DMD: variants seen among roughly 807,000 people sequenced by gnomAD.
DMD encodes the protein dystrophin, also known as mutant dystrophin.
A neutral mutation model predicts 330.1 loss-of-function variants in DMD; 63 were observed. The ratio of observed to expected loss-of-function variants is 0.19; its 90% CI spans 0.16 to 0.24. The LOEUF (loss-of-function observed/expected upper bound fraction) is 0.24, where lower values mean the gene tolerates loss of function less well. Ranked by LOEUF, DMD falls within the 10% of genes least tolerant of loss-of-function variation. The pLI is 1.00. For missense variants in DMD, 3,344 were observed against 2,684.1 expected (o/e 1.25, Z -5.43); for synonymous variants, 1,223 against 959.8 (o/e 1.27, Z -5.07).
chrX:31,998,092 T>G (rs1213991717), intron 44 of DMD, among the ~76,000 whole-genome samples: 1 of 111,451 alleles, frequency 9.0e-6, no homozygotes, highest in Non-Finnish European at 1.9e-5. Context: ...GTTAGTGTAG[T>G]CTACCACTGT....
chrX:32,123,009 T>G (rs2096643663), intron 44 of DMD, among the ~76,000 whole-genome samples: 1 of 106,953 alleles, frequency 9.3e-6, no homozygotes, highest in Admixed American at 1.0e-4. Context: ...ATTTTACTTT[T>G]GAAAAGCAGT....
intron 64 of DMD, among the ~76,000 whole-genome samples, chrX:31,214,937 CTTTT>C (rs761569710): frequency 7.9e-5 from 3 of 38,088 alleles, no homozygotes; most frequent in East Asian, 1.0e-3. Context: ...TTTCTTTTTT[CTTTT>C]TTTTTTTTTT....
At chrX:32,707,736 T>A (rs1269927351) in intron 7 of DMD, among the ~76,000 whole-genome samples, 2 of 111,897 alleles carry the variant, frequency 1.8e-5, no homozygotes, top group African/African-American at 6.5e-5. Flanking sequence ...GGTATGTAAC[T>A]TCTAAACCCA....
chrX:31,294,867 C>T (rs751575731), intron 62 of DMD, among the ~76,000 whole-genome samples: 31 of 112,068 alleles, frequency 2.8e-4, no homozygotes, highest in Admixed American at 1.9e-4. Context: ...TGCTCAGAGA[C>T]GTAGTGTTGA....
intron 1 of DMD, among the ~76,000 whole-genome samples, chrX:33,302,897 C>T (rs986690390): frequency 4.5e-5 from 5 of 111,550 alleles, no homozygotes; most frequent in African/African-American, 1.6e-4. Flanking sequence ...AGAGAATTTC[C>T]CTGTCCTAAA....
intron 55 of DMD, among the ~76,000 whole-genome samples, chrX:31,560,323 T>G (rs1386547570): frequency 1.8e-5 from 2 of 111,859 alleles, no homozygotes; most frequent in East Asian, 5.6e-4. Context: ...ACACTGTCTT[T>G]AAAGAATGAT....
chrX:33,043,640 C>CA (rs1016931011), intron 1 of DMD, among the ~76,000 whole-genome samples: 3 of 111,620 alleles, frequency 2.7e-5, no homozygotes, highest in African/African-American at 3.3e-5. Flanking sequence ...GAAGTTTTGA[C>CA]AAAACCAAAC....
intron 2 of DMD, among the ~76,000 whole-genome samples, chrX:32,934,522 A>G (rs1276397232): frequency 9.0e-6 from 1 of 111,628 alleles, no homozygotes; most frequent in Middle Eastern, 4.7e-3. Context: ...AACAATTTTA[A>G]ATTTAAAAAT....
chrX:32,436,093 G>C (rs188499158), intron 29 of DMD, among the ~76,000 whole-genome samples: 65 of 111,940 alleles, frequency 5.8e-4, no homozygotes, highest in African/African-American at 1.9e-3. Context: ...GTTCTGGATT[G>C]GGTCAATGAA....
intron 7 of DMD, among the ~76,000 whole-genome samples, chrX:32,739,915 T>C (rs1283235218): frequency 1.8e-5 from 2 of 110,351 alleles, no homozygotes; most frequent in Non-Finnish European, 3.8e-5. Flanking sequence ...GTTATTCTGA[T>C]GCATGTTCAA....
At chrX:32,276,222 A>T (rs1346279403) in intron 43 of DMD, among the ~76,000 whole-genome samples, 1 of 112,421 alleles carries the variant, frequency 8.9e-6, no homozygotes, top group Non-Finnish European at 1.9e-5. Context: ...AGCAGTCAGA[A>T]CTCAAGTTTC....
At chrX:31,362,048 T>G (rs1394831737) in intron 60 of DMD, among the ~76,000 whole-genome samples, 1 of 112,425 alleles carries the variant, frequency 8.9e-6, no homozygotes, top group Non-Finnish European at 1.9e-5. Flanking sequence ...CAAAATACAG[T>G]GATTAGAATG....
In DMD at chrX:32,492,325, G is replaced by A. The variant is rs190538245; in HGVS notation, c.2381-807C>T. On this transcript the variant is annotated intron_variant, in intron 19 of 78. Transcript: ENST00000357033. Reference sequence around the variant, plus strand: ...TGCACTCCAGCCTGGGTGACAGAGCGAGACTCTGTCTCATATTGTCCATGG... The same window carrying A: ...TGCACTCCAGCCTGGGTGACAGAGCAAGACTCTGTCTCATATTGTCCATGG... 2.9e-3 allele frequency among the ~76,000 whole-genome samples: 326 copies of A among 112,398 alleles called. 2 individuals are homozygous for A. The highest frequency in any genetic ancestry group is 7.7e-3 in the African/African-American group (240 of 30,976).
intron 60 of DMD, among the ~76,000 whole-genome samples, chrX:31,394,522 A>C (rs192406173): frequency 8.9e-6 from 1 of 112,279 alleles, no homozygotes; most frequent in East Asian, 2.8e-4. Flanking sequence ...AGCTGGGTGC[A>C]GTGGCTCGTG....
chrX:32,681,453 T>A lies in DMD; in HGVS notation c.960+16417A>T, dbSNP rs192875980. On this transcript the variant is annotated intron_variant, in intron 9 of 78. Transcript: ENST00000357033. ...TTACTCATTCTTTTATACGTAACTC[T>A]TCTATTACGATGAGGTTGATGGGAT... Among the ~76,000 whole-genome samples the A allele has an allele frequency of 5.3e-3, 590 of 111,947 alleles. 11 individuals are homozygous for A. Among genetic ancestry groups the A allele is most frequent in the African/African-American group, 0.018 (560 of 30,828 alleles).
At chrX:33,305,315 G>A (rs1301972609) in intron 1 of DMD, among the ~76,000 whole-genome samples, 3 of 105,744 alleles carry the variant, frequency 2.8e-5, no homozygotes, top group African/African-American at 1.0e-4. Flanking sequence ...ACCATTGCAA[G>A]GACAAAAAAC....
At chrX:32,831,251 C>A (rs750725141) in intron 4 of DMD, among the ~76,000 whole-genome samples, 1 of 110,392 alleles carries the variant, frequency 9.1e-6, no homozygotes, top group African/African-American at 3.3e-5. Flanking sequence ...GTAATTTCTA[C>A]CATCGTCAAT....
intron 15 of DMD, among the ~76,000 whole-genome samples, chrX:32,573,293 C>A (rs1447795047): frequency 3.6e-5 from 4 of 111,723 alleles, no homozygotes; most frequent in Non-Finnish European, 7.5e-5. Flanking sequence ...TAATTGAAGT[C>A]TTATTCTGGT....
chrX:31,585,538 C>T (rs1483169261), intron 55 of DMD, among the ~76,000 whole-genome samples: 1 of 105,233 alleles, frequency 9.5e-6, no homozygotes, highest in Non-Finnish European at 1.9e-5. Flanking sequence ...CACTCCCAAA[C>T]CAACCACAAA....
Sources: gnomAD v4.1 joint callset for allele counts (sites outside exome capture counted in the v4.1 genomes callset) on GRCh38, gnomAD v4.1.1 for gene constraint, MANE v1.5 for transcripts, NCBI Gene and HGNC (gene_info 2026-07-23, HGNC 2026-07-21) for gene names.